The following VAV2 variants were observed in gnomAD, a reference collection of about 807,000 sequenced individuals.
The protein encoded by VAV2 is guanine nucleotide exchange factor VAV2.
A neutral mutation model predicts 132.5 loss-of-function variants in VAV2; 67 were observed. That is an observed-to-expected ratio of 0.51 (90% CI 0.42 to 0.62). The LOEUF is 0.62. Ranked by LOEUF, VAV2 falls within the 20% of genes least tolerant of loss-of-function variation. The pLI is 0.00. For synonymous variants in VAV2, 492 were observed against 443.5 expected (o/e 1.11, Z -1.37); for missense variants, 938 against 1,153.6 (o/e 0.81, Z 2.71).
intron 3 of VAV2, among the ~76,000 whole-genome samples, chr9:133,846,751 G>C (rs962259708): frequency 6.6e-6 from 1 of 152,226 alleles, no homozygotes; most frequent in Non-Finnish European, 1.5e-5. Flanking sequence ...GCCACCCTGA[G>C]ACCGTGTCCC....
intron 2 of VAV2, among the ~76,000 whole-genome samples, chr9:133,930,284 C>T (rs1270979889): frequency 6.7e-6 from 1 of 150,136 alleles, no homozygotes; most frequent in Admixed American, 6.6e-5. Flanking sequence ...CCTGCCTCCA[C>T]CCTGCCTCCT....
rs1838583812 is a variant in VAV2, at chr9:133,883,555, C to T, written c.322-22123G>A. On this transcript the variant is annotated intron_variant, in intron 2 of 29. Coordinates refer to ENST00000371850, the MANE Select transcript of VAV2 (RefSeq NM_001134398.2). The surrounding 1 kb of genome is among the most constrained non-coding windows in gnomAD (Gnocchi z 4.2). ...GTCATCCCCAGCCACGGCAGGCAGACAGCCCAGCAGAGACTCCCAAGTCAT... is the reference window on the plus strand; with the variant it reads ...GTCATCCCCAGCCACGGCAGGCAGATAGCCCAGCAGAGACTCCCAAGTCAT... Among the ~76,000 whole-genome samples the T allele has an allele frequency of 1.3e-5, 2 of 152,146 alleles. No homozygotes were observed. Among genetic ancestry groups the T allele is most frequent in the African/African-American group, 4.8e-5 (2 of 41,438 alleles).
At chr9:133,835,890 C>G (rs1045308723) in intron 3 of VAV2, among the ~76,000 whole-genome samples, 4 of 152,184 alleles carry the variant, frequency 2.6e-5, no homozygotes, top group African/African-American at 9.7e-5. Context: ...GGTAAAAGCC[C>G]GTGTCCAAGG....
At chr9:133,862,708 G>A (rs556044863) in intron 2 of VAV2, among the ~76,000 whole-genome samples, 2 of 152,308 alleles carry the variant, frequency 1.3e-5, no homozygotes, top group East Asian at 1.9e-4. Flanking sequence ...TCTGTGTGCC[G>A]GACACCACAC....
At chr9:133,920,030 C>T (rs1221204552) in intron 2 of VAV2, among the ~76,000 whole-genome samples, 1 of 152,184 alleles carries the variant, frequency 6.6e-6, no homozygotes, top group Non-Finnish European at 1.5e-5. Context: ...TGGGCGTGGG[C>T]CCCAGTGTGG....
At chr9:133,868,403 C>A (rs373260264) in intron 2 of VAV2, among the ~76,000 whole-genome samples, 1 of 152,204 alleles carries the variant, frequency 6.6e-6, no homozygotes, top group Non-Finnish European at 1.5e-5. Flanking sequence ...CCGCCCTTCC[C>A]GGGCACCGTG....
chr9:133,812,068 G>A (rs1025354983), intron 5 of VAV2, 46 bp downstream of exon 5: 6 of 1,588,054 alleles, frequency 3.8e-6, no homozygotes, highest in Non-Finnish European at 5.2e-6. Flanking sequence ...AGGCTGCTCT[G>A]CGAGGGAAGG....
chr9:133,936,631 G>A (rs959096996), intron 2 of VAV2, among the ~76,000 whole-genome samples: 3 of 152,176 alleles, frequency 2.0e-5, no homozygotes, highest in Non-Finnish European at 4.4e-5. Flanking sequence ...TGTTTTAAGC[G>A]ACCGGTGGGG....
At chr9:133,944,739 A>T (rs1841298065) in intron 1 of VAV2, among the ~76,000 whole-genome samples, 1 of 152,244 alleles carries the variant, frequency 6.6e-6, no homozygotes, top group Non-Finnish European at 1.5e-5. Context: ...CGGCAGCACA[A>T]GGCCTGCGTC....
chr9:133,791,954 GT>G (rs1834482220), intron 12 of VAV2, 85 bp from the exon 13 acceptor site: 15 of 335,470 alleles, frequency 4.5e-5, no homozygotes, highest in Admixed American at 7.5e-5. Context: ...ACTGGGTGGG[GT>G]GTGTGTGCAT....
At chr9:133,970,754 G>T (rs774734991) in intron 1 of VAV2, among the ~76,000 whole-genome samples, 2 of 152,220 alleles carry the variant, frequency 1.3e-5, no homozygotes, top group East Asian at 3.9e-4. Context: ...ACAGCCTCTC[G>T]TGTCAAATGG....
intron 1 of VAV2, among the ~76,000 whole-genome samples, chr9:133,989,620 G>A (rs1366822007): frequency 6.6e-6 from 1 of 151,274 alleles, no homozygotes; most frequent in Non-Finnish European, 1.5e-5. Context: ...AGGAGGTGGA[G>A]GTTGCAGTGA....
intron 2 of VAV2, among the ~76,000 whole-genome samples, chr9:133,894,246 G>T (rs989341976): frequency 1.3e-5 from 2 of 152,252 alleles, no homozygotes; most frequent in Non-Finnish European, 2.9e-5. Flanking sequence ...AAGGATGGGG[G>T]AGCCGGGGCC....
chr9:133,786,103 G>C (rs916143105), intron 16 of VAV2: 7 of 594,924 alleles, frequency 1.2e-5, no homozygotes, highest in Non-Finnish European at 2.2e-5. Flanking sequence ...ATGTATAGCT[G>C]TGTGCCCATA....
Position 133,794,757 on chromosome 9 carries a change from T to TG in VAV2, c.1101+910dup, listed in dbSNP as rs1403361448. On this transcript the variant is annotated intron_variant, in intron 12 of 29. Coordinates refer to ENST00000371850, the MANE Select transcript of VAV2 (RefSeq NM_001134398.2). The surrounding 1 kb of genome is among the most constrained non-coding windows in gnomAD (Gnocchi z 4.6). ...ATGCAGCTGGAGGGGACCTACCACATGCCAGGTGCTGTGCCTGGCCTGGGG... is the reference window on the plus strand; with the variant it reads ...ATGCAGCTGGAGGGGACCTACCACATGGCCAGGTGCTGTGCCTGGCCTGGGG... Among the ~76,000 whole-genome samples the TG allele has an allele frequency of 6.6e-6, 1 of 152,144 alleles. No homozygotes were observed. Among genetic ancestry groups the TG allele is most frequent in the Non-Finnish European group, 1.5e-5 (1 of 68,020 alleles).
Position 133,788,607 on chromosome 9 carries a change from C to A in VAV2, c.1275-121G>T. 7.4e-7 allele frequency: 1 copy of A among 1,343,186 alleles called. No homozygotes were observed. Among genetic ancestry groups the A allele is most frequent in the South Asian group, 1.4e-5 (1 of 70,482 alleles). 83.2% of individuals were successfully genotyped at this position (1,343,186 alleles called of 1,614,324 possible). A position where few individuals can be genotyped will look rare whatever the true frequency, so the allele number is the denominator to read the frequency against. Reference sequence around the variant, plus strand: ...GCTCCCTCTCCGGGCGAGCCCTGCCCTCACCTGGCTCACCAGGCTAATGCT... The same window carrying A: ...GCTCCCTCTCCGGGCGAGCCCTGCCATCACCTGGCTCACCAGGCTAATGCT... On this transcript the variant is annotated intron_variant, in intron 14 of 29. Transcript: ENST00000371850. This position sits in a 1 kb window ranked among gnomAD's most constrained non-coding sequence, Gnocchi z 5.3.
chr9:133,951,690 G>T (rs1309437727), intron 1 of VAV2, among the ~76,000 whole-genome samples: 1 of 152,144 alleles, frequency 6.6e-6, no homozygotes, highest in African/African-American at 2.4e-5. Context: ...ACCAGACCAC[G>T]GGTGGGTCAC....
chr9:133,799,407 C>G (rs375538647), intron 9 of VAV2, among the ~76,000 whole-genome samples: 1 of 152,336 alleles, frequency 6.6e-6, no homozygotes, highest in South Asian at 2.1e-4. Flanking sequence ...TGCAGGGACA[C>G]CTCTGGCATG....
chr9:133,859,759 CAT>C (rs1837525747), intron 3 of VAV2, among the ~76,000 whole-genome samples: 1 of 152,016 alleles, frequency 6.6e-6, no homozygotes, highest in Non-Finnish European at 1.5e-5. Context: ...ACAAAAAACA[CAT>C]AGTCTTTGTA....
Sources: gnomAD v4.1 joint callset for allele counts (sites outside exome capture counted in the v4.1 genomes callset) on GRCh38, gnomAD v4.1.1 for gene constraint, Gnocchi (gnomAD v3.1) non-coding constraint, MANE v1.5 for transcripts, NCBI Gene and HGNC (gene_info 2026-07-23, HGNC 2026-07-21) for gene names.